The following SCPEP1 variants were observed in gnomAD, a reference collection of about 807,000 sequenced individuals.
SCPEP1 encodes retinoid-inducible serine carboxypeptidase.
SCPEP1 carries 51 observed loss-of-function variants against 63.8 expected under a neutral mutation model. The ratio of observed to expected loss-of-function variants is 0.80; its 90% CI spans 0.64 to 1.01. The LOEUF (loss-of-function observed/expected upper bound fraction) is 1.01, where lower values mean the gene tolerates loss of function less well. Ranked by LOEUF, SCPEP1 falls within the 50% of genes least tolerant of loss-of-function variation. SCPEP1 has a pLI of 0.00. For missense variants in SCPEP1, 499 were observed against 554.9 expected, an observed-to-expected ratio of 0.90 and a Z score of 1.01; for synonymous variants, 204 against 207.8, an observed-to-expected ratio of 0.98 and a Z score of 0.16.
At chr17:56,995,759 C>T in intron 8 of SCPEP1, 124 bp downstream of exon 8, 2 of 1,046,012 alleles carry the variant, frequency 1.9e-6, no homozygotes, top group Non-Finnish European at 2.6e-6. Context: ...CAAATGATTG[C>T]ATGCTGGATA....
chr17:56,995,649 ACACT>A lies in SCPEP1; in HGVS notation c.786+17_786+20del. Reference sequence around the variant, plus strand: ...ATCATTGAACAGGTAAAAAGGGGAAACACTCAGAGGCGAGCCTGCTTGGCTTTTT... The same window carrying A: ...ATCATTGAACAGGTAAAAAGGGGAAACAGAGGCGAGCCTGCTTGGCTTTTT... On this transcript the variant is annotated intron_variant, in intron 8 of 12. Coordinates refer to ENST00000262288, the MANE Select transcript of SCPEP1 (RefSeq NM_021626.3). 6.2e-7 allele frequency: 1 copy of A among 1,613,002 alleles called. No homozygotes were observed. Among genetic ancestry groups the A allele is most frequent in the Non-Finnish European group, 8.5e-7 (1 of 1,179,542 alleles).
At chr17:56,983,943 C>G (rs927160799) in intron 2 of SCPEP1, 1 of 151,590 alleles carries the variant, frequency 6.6e-6, no homozygotes, top group Non-Finnish European at 1.5e-5. Context: ...AGGTCTCGCT[C>G]TGTCACCCAG....
chr17:57,004,898 T>C (rs773898098), intron 12 of SCPEP1, among the ~76,000 whole-genome samples: 1 of 152,238 alleles, frequency 6.6e-6, no homozygotes, highest in Non-Finnish European at 1.5e-5. Flanking sequence ...ACATAAGTAC[T>C]TCACAGTAAG....
Position 57,006,418 on chromosome 17 carries a change from G to T in SCPEP1, c.*183G>T. On this transcript the variant is annotated 3_prime_UTR_variant, in exon 13 of 13. Transcript: ENST00000262288. ...TGGAGGCAATTTGGAAATTATTTCT[G>T]CTTCTTAAAAAAACCTAAGATTTTT... The T allele has an allele frequency of 2.5e-6, 1 of 405,810 alleles. No homozygotes were observed. The highest frequency in any genetic ancestry group is 4.4e-6 in the Non-Finnish European group (1 of 226,170). 25.1% of individuals were successfully genotyped at this position (405,810 alleles called of 1,614,324 possible). A position where few individuals can be genotyped will look rare whatever the true frequency, so the allele number is the denominator to read the frequency against.
chr17:56,983,545 G>A (rs188528494), intron 2 of SCPEP1: 51 of 152,354 alleles, frequency 3.3e-4, no homozygotes, highest in African/African-American at 1.1e-3. Context: ...AGTAGATGTG[G>A]TATGGTTGCC....
rs750050389 is a variant in SCPEP1, at chr17:56,995,532, C to A, written c.683C>A (p.Ala228Glu). 4.3e-6 allele frequency: 7 copies of A among 1,613,690 alleles called. No homozygotes were observed. The highest frequency in any genetic ancestry group is 1.7e-4 in the Middle Eastern group (1 of 6,056). ...TCTCTTCTCGAAGACAAAGGTCTGG[C>A]AGAGGTGTCTAAGGTTGCAGAGCAA... ...SMSLLEDKGL[A>E]EVSKVAEQVL... Residue 228 changes from alanine (A) to glutamate (E), a missense_variant, in exon 8 of 13, where the codon GCA (alanine) becomes GAA (glutamate). Ala to Glu is a moderately radical substitution (Grantham distance 107). Transcript: ENST00000262288.
intron 6 of SCPEP1, 108 bp from the exon 7 acceptor site, chr17:56,994,873 G>A (rs1911500001): frequency 9.1e-6 from 9 of 985,142 alleles, no homozygotes; most frequent in African/African-American, 1.6e-5. Context: ...CAAAGCCACC[G>A]GGTTTCTTGC....
In SCPEP1 at chr17:56,988,309, G is replaced by T. The variant is rs1911286585; in HGVS notation, c.546+19G>T. The T allele has an allele frequency of 6.3e-7, 1 of 1,582,006 alleles. No homozygotes were observed. Among genetic ancestry groups the T allele is most frequent in the African/African-American group, 1.4e-5 (1 of 74,010 alleles). ...TTATAAGGTAATGGAAAATAACTTT[G>T]TTGTTATGGTTTTGGACAGAAAATC... is the stretch of plus-strand genomic sequence containing the variant. On this transcript the variant is annotated intron_variant, in intron 5 of 12. Coordinates refer to ENST00000262288, the MANE Select transcript of SCPEP1 (RefSeq NM_021626.3).
chr17:56,989,048 G>A (rs1223180797), intron 5 of SCPEP1, among the ~76,000 whole-genome samples: 2 of 152,002 alleles, frequency 1.3e-5, no homozygotes, highest in Admixed American at 6.6e-5. Context: ...TAATAAGCTG[G>A]GCACAGTGGC....
intron 1 of SCPEP1, among the ~76,000 whole-genome samples, chr17:56,978,667 C>G (rs1207591237): frequency 6.6e-6 from 1 of 152,138 alleles, no homozygotes; most frequent in Non-Finnish European, 1.5e-5. Context: ...CCTTTCTTTT[C>G]TTGATCAAAA....
chr17:56,997,121 T>TAAAAA, intron 9 of SCPEP1, 66 bp downstream of exon 9: 2 of 726,686 alleles, frequency 2.8e-6, no homozygotes, highest in Non-Finnish European at 4.2e-6. Context: ...ACCTGTTTAT[T>TAAAAA]AAAAAAAAAA....
intron 12 of SCPEP1, among the ~76,000 whole-genome samples, chr17:57,004,339 G>A (rs1911825560): frequency 6.6e-6 from 1 of 152,210 alleles, no homozygotes; most frequent in African/African-American, 2.4e-5. Context: ...GTGACAGAGT[G>A]AGACTCTGTC....
In SCPEP1 at chr17:57,002,095, A is replaced by C; in HGVS notation, c.1210A>C (p.Ser404Arg). Residue 404 changes from serine to arginine, a missense_variant, in exon 12 of 13, where the codon AGT (serine) becomes CGT (arginine). Coordinates refer to ENST00000262288, the MANE Select transcript of SCPEP1 (RefSeq NM_021626.3). The stretch of plus-strand genomic sequence containing the variant: ...TCAGCTGAAGTGGAAGGCCCTGTAC[A>C]GTGACCCTAAATCTTTGGAAACATC... ...FSQLKWKALYSDPKSLETSAF... is the reference protein window; with the variant it reads ...FSQLKWKALYRDPKSLETSAF... The C allele has an allele frequency of 6.2e-7, 1 of 1,614,226 alleles. No homozygotes were observed. The highest frequency in any genetic ancestry group is 1.1e-5 in the South Asian group (1 of 91,090).
At chr17:56,991,748 G>A (rs1567866599) in intron 6 of SCPEP1, among the ~76,000 whole-genome samples, 1 of 152,206 alleles carries the variant, frequency 6.6e-6, no homozygotes, top group Non-Finnish European at 1.5e-5. Context: ...CATCCTGGTG[G>A]CGTTCACTCT....
At chr17:56,999,892 G>A (rs1418901254) in intron 10 of SCPEP1, among the ~76,000 whole-genome samples, 2 of 151,870 alleles carry the variant, frequency 1.3e-5, no homozygotes, top group Non-Finnish European at 2.9e-5. Flanking sequence ...TGAGGTGGGG[G>A]AATCGCTTGA....
intron 1 of SCPEP1, among the ~76,000 whole-genome samples, chr17:56,978,729 T>TGAC (rs1309568198): frequency 6.6e-6 from 1 of 152,150 alleles, no homozygotes; most frequent in Non-Finnish European, 1.5e-5. Context: ...AAAAAACAGA[T>TGAC]TTGTGTTTAA....
chr17:56,999,966 G>A (rs1911688977), intron 10 of SCPEP1, among the ~76,000 whole-genome samples: 1 of 140,930 alleles, frequency 7.1e-6, no homozygotes, highest in Non-Finnish European at 1.5e-5. Flanking sequence ...TGGGCAATAA[G>A]AGTGAAACTC....
intron 10 of SCPEP1, among the ~76,000 whole-genome samples, chr17:57,000,544 T>C (rs150567552): frequency 2.2e-4 from 33 of 152,326 alleles, no homozygotes; most frequent in Non-Finnish European, 4.1e-4. Flanking sequence ...TGTACCAGCC[T>C]AATGAGTATT....
At chr17:56,978,970 G>T (rs1256987987) in intron 1 of SCPEP1, among the ~76,000 whole-genome samples, 1 of 152,214 alleles carries the variant, frequency 6.6e-6, no homozygotes, top group Admixed American at 6.5e-5. Context: ...CAAGGGAGAA[G>T]TGCCTGGGGT....
Sources: gnomAD v4.1 joint callset for allele counts (sites outside exome capture counted in the v4.1 genomes callset) on GRCh38, gnomAD v4.1.1 for gene constraint, MANE v1.5 for transcripts, NCBI Gene and HGNC (gene_info 2026-07-23, HGNC 2026-07-21) for gene names.